Variants in AIG1 observed in about 807,000 individuals in gnomAD.
AIG1 encodes the protein androgen induced 1.
Under a neutral mutation model 31.4 loss-of-function variants are expected in AIG1, and 23 were observed. The observed-to-expected ratio is 0.73, with a 90% CI of 0.53 to 1.04. The LOEUF is 1.04. Among genes scored for constraint, AIG1 ranks in the 50% least tolerant of loss-of-function variants. The pLI is 0.00. For synonymous variants in AIG1, 100 were observed against 110.5 expected, an observed-to-expected ratio of 0.90 and a Z score of 0.60; for missense variants, 274 against 295.0, an observed-to-expected ratio of 0.93 and a Z score of 0.52.
intron 3 of AIG1, among the ~76,000 whole-genome samples, chr6:143,196,382 C>CACAT (rs1249478447): frequency 6.6e-6 from 1 of 151,136 alleles, no homozygotes; most frequent in Admixed American, 6.6e-5. Flanking sequence ...CACACACACA[C>CACAT]ACACACACAC....
At chr6:143,257,335 A>G (rs939032495) in intron 3 of AIG1, among the ~76,000 whole-genome samples, 2 of 152,182 alleles carry the variant, frequency 1.3e-5, no homozygotes, top group Admixed American at 6.6e-5. Flanking sequence ...CTTTGTAAAA[A>G]AAACAAAAAC....
chr6:143,121,341 A>T (rs1325972008), intron 1 of AIG1, among the ~76,000 whole-genome samples: 1 of 152,208 alleles, frequency 6.6e-6, no homozygotes, highest in Non-Finnish European at 1.5e-5. Flanking sequence ...ACCAGTTTGA[A>T]TCATCATCTC....
intron 4 of AIG1, among the ~76,000 whole-genome samples, chr6:143,307,795 G>A (rs1799451449): frequency 6.6e-6 from 1 of 152,192 alleles, no homozygotes; most frequent in Non-Finnish European, 1.5e-5. Flanking sequence ...TCTGTGCCCT[G>A]CCCCCAGAGG....
rs977840122 is a variant in AIG1, at chr6:143,331,610, G to A, written c.516-1672G>A. Among the ~76,000 whole-genome samples the A allele has an allele frequency of 2.0e-5, 3 of 151,902 alleles. No homozygotes were observed. The highest frequency in any genetic ancestry group is 6.6e-5 in the Admixed American group (1 of 15,236). ...TTTGATTGTTTGTTCACCTACTGAT[G>A]TGTTTCTATATACATATATGTACAT... On this transcript the variant is annotated intron_variant, in intron 4 of 5. Transcript: ENST00000357847. The surrounding 1 kb of genome is among the most constrained non-coding windows in gnomAD (Gnocchi z 4.1).
In AIG1 at chr6:143,339,865, C is replaced by T. The variant is rs528943604; in HGVS notation, c.*189C>T. On this transcript the variant is annotated 3_prime_UTR_variant, in exon 6 of 6. Transcript: ENST00000357847. ...ATACAGTTGTTTCCAAAAGAACTCA[C>T]CCTCACTGTGTGTTAAAGAATTCTT... 1 of 439,558 alleles carries T rather than the reference C, an allele frequency of 2.3e-6. No individual in the cohort carries two copies. Among genetic ancestry groups the T allele is most frequent in the Admixed American group, 4.3e-5 (1 of 23,000 alleles). The allele number at this position is 439,558 out of a possible 1,614,324, so 27.2% of individuals were successfully genotyped here.
Position 143,333,643 on chromosome 6 carries a change from T to C in AIG1, c.679+198T>C, listed in dbSNP as rs1209432521. Among the ~76,000 whole-genome samples, 1 of 152,194 alleles carries C rather than the reference T, an allele frequency of 6.6e-6. No homozygotes were observed. The highest frequency in any genetic ancestry group is 1.9e-4 in the East Asian group (1 of 5,194). On this transcript the variant is annotated intron_variant, in intron 5 of 5. Transcript: ENST00000357847. This position sits in a 1 kb window ranked among gnomAD's most constrained non-coding sequence, Gnocchi z 4.6. ...CCTGAAAGTTTTACTAGTCACTTGG[T>C]CTTGTTAGCTAGTAAAACCTCCAAA...
At chr6:143,091,129 G>A (rs1562365447) in intron 1 of AIG1, among the ~76,000 whole-genome samples, 1 of 152,088 alleles carries the variant, frequency 6.6e-6, no homozygotes, top group Admixed American at 6.6e-5. Flanking sequence ...TGACGTTGCA[G>A]CAATTCAATC....
intron 3 of AIG1, among the ~76,000 whole-genome samples, chr6:143,217,979 C>T (rs898503079): frequency 1.3e-5 from 2 of 152,232 alleles, no homozygotes; most frequent in African/African-American, 2.4e-5. Context: ...TTCCCTATAA[C>T]CCTGTCAGCA....
chr6:143,318,309 A>G (rs191339512), intron 4 of AIG1, among the ~76,000 whole-genome samples: 102 of 152,312 alleles, frequency 6.7e-4, no homozygotes, highest in African/African-American at 2.3e-3. Flanking sequence ...AACAGAATGG[A>G]GATCCCAGAA....
chr6:143,069,167 G>A (rs1247205986), intron 1 of AIG1, among the ~76,000 whole-genome samples: 12 of 151,900 alleles, frequency 7.9e-5, no homozygotes, highest in African/African-American at 2.4e-4. Flanking sequence ...GGTGCATGCC[G>A]CCACTCCTGG....
chr6:143,088,906 C>T (rs1004840607), intron 1 of AIG1, among the ~76,000 whole-genome samples: 2 of 152,092 alleles, frequency 1.3e-5, no homozygotes, highest in Non-Finnish European at 1.5e-5. Context: ...AATGATAATT[C>T]GTAACATAAG....
intron 4 of AIG1, among the ~76,000 whole-genome samples, chr6:143,308,826 T>G (rs1775018392): frequency 6.6e-6 from 1 of 152,210 alleles, no homozygotes; most frequent in Non-Finnish European, 1.5e-5. Context: ...GTTACTTTAA[T>G]CTGTGAAATT....
At position 143,328,486 on chromosome 6, in the gene AIG1, A is replaced by G. The variant is rs1362438103; in HGVS notation, c.516-4796A>G. ...GTTGGGGAATAATCCCTGTGTACCC[A>G]TGGCACGCCTACACTTACCCTTTCT... On this transcript the variant is annotated intron_variant, in intron 4 of 5. Coordinates refer to ENST00000357847, the MANE Select transcript of AIG1 (RefSeq NM_016108.4). The surrounding 1 kb of genome is among the most constrained non-coding windows in gnomAD (Gnocchi z 4.0). Among the ~76,000 whole-genome samples, 1 of 152,212 alleles carries G rather than the reference A, an allele frequency of 6.6e-6. No homozygotes were observed. Among genetic ancestry groups the G allele is most frequent in the Non-Finnish European group, 1.5e-5 (1 of 68,014 alleles).
At chr6:143,260,273 C>T (rs73594161) in intron 3 of AIG1, among the ~76,000 whole-genome samples, 1,845 of 152,028 alleles carry the variant, frequency 0.012, 24 homozygotes, top group African/African-American at 0.042. Context: ...GGCCTCCTGC[C>T]GACTGTAAAG....
intron 3 of AIG1, among the ~76,000 whole-genome samples, chr6:143,223,277 C>T (rs1792677290): frequency 6.6e-6 from 1 of 152,164 alleles, no homozygotes; most frequent in Non-Finnish European, 1.5e-5. Flanking sequence ...TCAGAACGTT[C>T]CAAAATGTGG....
chr6:143,197,802 A>C (rs992969879), intron 3 of AIG1, among the ~76,000 whole-genome samples: 9 of 152,164 alleles, frequency 5.9e-5, no homozygotes, highest in Admixed American at 2.0e-4. Flanking sequence ...CTGAGATGTG[A>C]GGGTTGTGTA....
Position 143,188,610 on chromosome 6 carries a change from C to G in AIG1, c.399+23427C>G, listed in dbSNP as rs141702770. Reference sequence around the variant, plus strand: ...CAAGTCATCTATTCTCTTATGCCAGCTCTCAGATTTGTATATAAAATCTGA... The same window carrying G: ...CAAGTCATCTATTCTCTTATGCCAGGTCTCAGATTTGTATATAAAATCTGA... On this transcript the variant is annotated intron_variant, in intron 3 of 5. Transcript: ENST00000357847. The G allele has an allele frequency of 1.3e-5, 13 of 985,118 alleles. 1 individual carries two copies. The East Asian group carries it at 1.5e-3, about 112-fold the overall frequency. 61.0% of individuals were successfully genotyped at this position (985,118 alleles called of 1,614,324 possible). A position where few individuals can be genotyped will look rare whatever the true frequency, so the allele number is the denominator to read the frequency against.
In AIG1 at chr6:143,220,587, C is replaced by G. The variant is rs148190975; in HGVS notation, c.399+55404C>G. Among the ~76,000 whole-genome samples, 6 of 152,248 alleles carry G rather than the reference C, an allele frequency of 3.9e-5. No individual in the cohort carries two copies. The East Asian group carries it at 1.2e-3, about 29-fold the overall frequency. ...TTCTAGATTCAAACTCAAGTTTGACCTAAGAGCAAATCTTGACTCTGCTAT... is the reference window on the plus strand; with the variant it reads ...TTCTAGATTCAAACTCAAGTTTGACGTAAGAGCAAATCTTGACTCTGCTAT... On this transcript the variant is annotated intron_variant, in intron 3 of 5. Coordinates refer to ENST00000357847, the MANE Select transcript of AIG1 (RefSeq NM_016108.4).
chr6:143,209,980 G>T (rs1460017937), intron 3 of AIG1, among the ~76,000 whole-genome samples: 1 of 152,158 alleles, frequency 6.6e-6, no homozygotes, highest in African/African-American at 2.4e-5. Context: ...GATACAGTTT[G>T]GCTGTGTCCC....
Sources: allele counts gnomAD v4.1 joint callset (sites outside exome capture counted in the v4.1 genomes callset), GRCh38; gene constraint gnomAD v4.1.1; non-coding constraint Gnocchi (gnomAD v3.1); transcripts MANE v1.5; gene names NCBI Gene and HGNC (gene_info 2026-07-23, HGNC 2026-07-21).